Variants in PDE5A observed in about 807,000 individuals in gnomAD.
The protein encoded by PDE5A is phosphodiesterase 5A.
Under a neutral mutation model 110.2 loss-of-function variants are expected in PDE5A, and 67 were observed. The ratio of observed to expected loss-of-function variants is 0.61; its 90% CI spans 0.50 to 0.75. PDE5A has a LOEUF of 0.75. PDE5A is among the 30% of genes least tolerant of loss of function. The pLI, the probability that PDE5A is intolerant of heterozygous loss-of-function variation, is 0.00. For missense variants in PDE5A, 862 were observed against 1,045.1 expected (o/e 0.82, Z 2.42); for synonymous variants, 328 against 351.2 (o/e 0.93, Z 0.74).
chr4:119,566,984 T>C (rs1473803820), intron 4 of PDE5A, 89 bp downstream of exon 4: 2 of 886,158 alleles, frequency 2.3e-6, no homozygotes, highest in African/African-American at 1.7e-5. Flanking sequence ...TGACCAACAA[T>C]TTCAGCAACA....
In PDE5A at chr4:119,502,654, A is replaced by C; in HGVS notation, c.2333T>G (p.Ile778Arg). 1.9e-6 allele frequency: 3 copies of C among 1,591,728 alleles called. No individual in the cohort carries two copies. The highest frequency in any genetic ancestry group is 1.1e-5 in the South Asian group (1 of 89,860). The change falls in exon 19 of 21, where the codon ATA becomes AGA. Residue 778 changes from isoleucine to arginine, a missense_variant and splice_region_variant. By Grantham distance (97) the Ile-to-Arg change is moderately conservative. Coordinates refer to ENST00000354960, the MANE Select transcript of PDE5A (RefSeq NM_001083.4). Reference protein sequence around the residue: ...ITKPWPIQQRIAELVATEFFD... With the variant: ...ITKPWPIQQRRAELVATEFFD... ...AAATTCAGTTGCTACAAGTTCTGCT[A>C]TCTGAAATAAATAACAGACTCAGTT...
chr4:119,561,122 C>CGA (rs775121047), intron 6 of PDE5A, among the ~76,000 whole-genome samples: 37 of 152,234 alleles, frequency 2.4e-4, no homozygotes, highest in Non-Finnish European at 4.4e-4. Flanking sequence ...CAGCAATACT[C>CGA]TGTCTCGAAA....
At chr4:119,602,196 T>TA (rs1301806688) in intron 2 of PDE5A, among the ~76,000 whole-genome samples, 3 of 152,178 alleles carry the variant, frequency 2.0e-5, no homozygotes, top group African/African-American at 7.2e-5. Context: ...AGAATATTCT[T>TA]ATTAGAAAAT....
chr4:119,606,455 T>C (rs1390974877), intron 2 of PDE5A, among the ~76,000 whole-genome samples: 2 of 152,274 alleles, frequency 1.3e-5, no homozygotes, highest in South Asian at 2.1e-4. Flanking sequence ...AAATTATCAT[T>C]AAGGAGAAAA....
chr4:119,564,579 G>A (rs1727858405), intron 5 of PDE5A, among the ~76,000 whole-genome samples: 1 of 151,984 alleles, frequency 6.6e-6, no homozygotes, highest in African/African-American at 2.4e-5. Context: ...AGCAGAAGGG[G>A]AACTCAACAG....
At chr4:119,560,216 A>C (rs1411815948) in intron 7 of PDE5A, 80 bp downstream of exon 7, 1 of 786,778 alleles carries the variant, frequency 1.3e-6, no homozygotes, top group Non-Finnish European at 2.1e-6. Flanking sequence ...TATATTTCTT[A>C]AATCAAACTG....
chr4:119,615,917 C>T (rs1729926013), intron 1 of PDE5A, among the ~76,000 whole-genome samples: 1 of 152,124 alleles, frequency 6.6e-6, no homozygotes, highest in Non-Finnish European at 1.5e-5. Flanking sequence ...ATGGAAAATG[C>T]AATGAACATT....
At chr4:119,539,394 C>A (rs1726845115) in intron 10 of PDE5A, among the ~76,000 whole-genome samples, 2 of 150,980 alleles carry the variant, frequency 1.3e-5, no homozygotes, top group South Asian at 4.2e-4. Flanking sequence ...TGCTTGTGTA[C>A]AGAATTAAAG....
chr4:119,612,688 G>GC (rs1729798678), intron 1 of PDE5A, among the ~76,000 whole-genome samples: 2 of 152,308 alleles, frequency 1.3e-5, no homozygotes, highest in Admixed American at 1.3e-4. Context: ...GCCCTCCTGT[G>GC]AGGACACATA....
chr4:119,605,717 T>A (rs1394065295), intron 2 of PDE5A, among the ~76,000 whole-genome samples: 1 of 24,130 alleles, frequency 4.1e-5, no homozygotes, highest in Non-Finnish European at 9.6e-5. Context: ...GCTTATCACA[T>A]TTTTCTTGGC....
At chr4:119,502,232 A>G (rs562830262) in intron 19 of PDE5A, among the ~76,000 whole-genome samples, 3 of 152,258 alleles carry the variant, frequency 2.0e-5, no homozygotes, top group African/African-American at 7.2e-5. Context: ...CACTGCAAAT[A>G]TTACACCAAG....
rs199838997 is a variant in PDE5A, at chr4:119,502,617, T to C, written c.2370A>G (p.Gly790=). The change falls in exon 19 of 21, where the codon GGA becomes GGG. Residue 790 remains glycine, a synonymous_variant. Coordinates refer to ENST00000354960, the MANE Select transcript of PDE5A (RefSeq NM_001083.4). ...ELVATEFFDQ[G]DRERKELNIE... ...TGTTGAGTTCTTTTCTCTCTCTGTC[T>C]CCTTGATCAAAAAATTCAGTTGCTA... 1.9e-6 allele frequency: 3 copies of C among 1,607,664 alleles called. No individual in the cohort carries two copies. Among genetic ancestry groups the C allele is most frequent in the Non-Finnish European group, 2.6e-6 (3 of 1,174,550 alleles).
chr4:119,528,048 GA>G, intron 11 of PDE5A, among the ~76,000 whole-genome samples: 1 of 102,494 alleles, frequency 9.8e-6, no homozygotes, highest in East Asian at 3.5e-4. Context: ...ACCAAATATG[GA>G]ATGCAAAAAA....
chr4:119,499,177 T>C (rs1430336796), intron 20 of PDE5A, among the ~76,000 whole-genome samples: 1 of 152,190 alleles, frequency 6.6e-6, no homozygotes. Flanking sequence ...AGATTCATAA[T>C]TTGGTGTGGC....
At chr4:119,509,407 T>C (rs556994918) in intron 15 of PDE5A, among the ~76,000 whole-genome samples, 1 of 152,010 alleles carries the variant, frequency 6.6e-6, no homozygotes, top group Non-Finnish European at 1.5e-5. Context: ...AGGTGGGCAT[T>C]GAAAGAAGAG....
At position 119,504,565 on chromosome 4, in the gene PDE5A, T is replaced by C; in HGVS notation, c.2302A>G (p.Ile768Val). 1 of 1,612,578 alleles carries C rather than the reference T, an allele frequency of 6.2e-7. No individual in the cohort carries two copies. The highest frequency in any genetic ancestry group is 8.5e-7 in the Non-Finnish European group (1 of 1,179,052). ...TGTTGAATAGGCCAGGGTTTTGTAA[T>C]TGCAGAAAGATCACAAGCTGTCATC... ...MLMTACDLSA[I>V]TKPWPIQQRI... The change falls in exon 18 of 21, where the codon ATT becomes GTT. Residue 768 changes from isoleucine to valine, a missense_variant. Transcript: ENST00000354960.
intron 1 of PDE5A, among the ~76,000 whole-genome samples, chr4:119,614,544 T>C (rs1391826806): frequency 6.6e-6 from 1 of 152,102 alleles, no homozygotes; most frequent in African/African-American, 2.4e-5. Flanking sequence ...CATTTTATCA[T>C]TGAGAGCGCA....
At chr4:119,576,748 AT>A (rs1394299535) in intron 3 of PDE5A, among the ~76,000 whole-genome samples, 1 of 152,214 alleles carries the variant, frequency 6.6e-6, no homozygotes, top group Non-Finnish European at 1.5e-5. Flanking sequence ...AAGATCTAAA[AT>A]TGACACCCTA....
intron 1 of PDE5A, among the ~76,000 whole-genome samples, chr4:119,624,684 T>C (rs1730276246): frequency 1.3e-5 from 2 of 152,132 alleles, no homozygotes; most frequent in Admixed American, 6.5e-5. Context: ...ACCTAAAACA[T>C]CACCCACAAT....
Sources: gnomAD v4.1 joint callset for allele counts (sites outside exome capture counted in the v4.1 genomes callset) on GRCh38, gnomAD v4.1.1 for gene constraint, MANE v1.5 for transcripts, NCBI Gene and HGNC (gene_info 2026-07-23, HGNC 2026-07-21) for gene names.